Variants in SDC2 observed in about 807,000 individuals in gnomAD.
The protein encoded by SDC2 is syndecan-2.
A neutral mutation model predicts 22.2 loss-of-function variants in SDC2; 13 were observed. The observed-to-expected ratio is 0.59, with a 90% CI of 0.38 to 0.93. SDC2 has a LOEUF of 0.93. Ranked by LOEUF, SDC2 falls within the 40% of genes least tolerant of loss-of-function variation. The pLI, the probability that SDC2 is intolerant of heterozygous loss-of-function variation, is 0.00. For missense variants in SDC2, 235 were observed against 246.8 expected (o/e 0.95, Z 0.32); for synonymous variants, 94 against 92.8 (o/e 1.01, Z -0.07).
intron 1 of SDC2, among the ~76,000 whole-genome samples, chr8:96,512,535 G>T (rs1461641991): frequency 6.6e-6 from 1 of 152,252 alleles, no homozygotes; most frequent in East Asian, 1.9e-4. Context: ...AGCAGGCTTA[G>T]AACAGAGAGA....
chr8:96,520,604 C>T (rs560754123), intron 1 of SDC2, among the ~76,000 whole-genome samples: 10 of 152,172 alleles, frequency 6.6e-5, no homozygotes, highest in Non-Finnish European at 1.3e-4. Flanking sequence ...AAAAGCAAAA[C>T]AGAGAAACCC....
At chr8:96,585,555 G>GT (rs373431033) in intron 1 of SDC2, among the ~76,000 whole-genome samples, 28 of 152,048 alleles carry the variant, frequency 1.8e-4, no homozygotes, top group African/African-American at 6.5e-4. Flanking sequence ...GGTGCATCCT[G>GT]TTTTATGTGT....
intron 1 of SDC2, among the ~76,000 whole-genome samples, chr8:96,519,243 T>A (rs559119067): frequency 1.3e-5 from 2 of 152,336 alleles, no homozygotes; most frequent in South Asian, 4.1e-4. Context: ...GAGAGCAGTT[T>A]GGAAATCATA....
At chr8:96,554,482 TA>T (rs528292831) in intron 1 of SDC2, among the ~76,000 whole-genome samples, 22 of 148,770 alleles carry the variant, frequency 1.5e-4, no homozygotes, top group South Asian at 2.1e-4. Context: ...AGCATTTAGT[TA>T]AAAAAAAAAG....
At chr8:96,572,495 C>G (rs1175736374) in intron 1 of SDC2, among the ~76,000 whole-genome samples, 1 of 152,066 alleles carries the variant, frequency 6.6e-6, no homozygotes, top group South Asian at 2.1e-4. Context: ...ATTCGGTTCT[C>G]CAGGCTGGCC....
intron 2 of SDC2, among the ~76,000 whole-genome samples, chr8:96,602,115 G>C (rs1814998865): frequency 6.6e-6 from 1 of 152,088 alleles, no homozygotes; most frequent in Non-Finnish European, 1.5e-5. Context: ...AAAAAATCTT[G>C]TCAAGCAGGG....
At chr8:96,582,176 A>G (rs1741245265) in intron 1 of SDC2, among the ~76,000 whole-genome samples, 1 of 152,220 alleles carries the variant, frequency 6.6e-6, no homozygotes, top group African/African-American at 2.4e-5. Flanking sequence ...CATTTCTTTA[A>G]AAGTTGCTTG....
At chr8:96,576,318 T>C (rs1051881385) in intron 1 of SDC2, among the ~76,000 whole-genome samples, 1 of 148,576 alleles carries the variant, frequency 6.7e-6, no homozygotes, top group Non-Finnish European at 1.5e-5. Flanking sequence ...CACAGAGAAC[T>C]TGAAAGCATA....
intron 1 of SDC2, among the ~76,000 whole-genome samples, chr8:96,508,359 C>T (rs993747149): frequency 6.8e-6 from 1 of 147,286 alleles, no homozygotes; most frequent in African/African-American, 2.5e-5. Flanking sequence ...CGGGTGTGGT[C>T]GCGGGCACCT....
At chr8:96,572,067 C>T (rs1814405728) in intron 1 of SDC2, among the ~76,000 whole-genome samples, 1 of 152,138 alleles carries the variant, frequency 6.6e-6, no homozygotes, top group African/African-American at 2.4e-5. Flanking sequence ...CTCAAGCAGT[C>T]TCGTGGAGGC....
At chr8:96,569,164 C>G (rs906394459) in intron 1 of SDC2, among the ~76,000 whole-genome samples, 1 of 152,108 alleles carries the variant, frequency 6.6e-6, no homozygotes, top group Non-Finnish European at 1.5e-5. Context: ...CACACCAACA[C>G]GTCCGGATAA....
At chr8:96,523,251 T>G (rs899684649) in intron 1 of SDC2, among the ~76,000 whole-genome samples, 1 of 152,196 alleles carries the variant, frequency 6.6e-6, no homozygotes, top group East Asian at 1.9e-4. Context: ...TTTTAGAGGA[T>G]TTGGTGGTGT....
chr8:96,555,391 A>G (rs975419589), intron 1 of SDC2, among the ~76,000 whole-genome samples: 3 of 152,112 alleles, frequency 2.0e-5, no homozygotes, highest in African/African-American at 7.2e-5. Context: ...TCCAACTCCA[A>G]TCAATTAACC....
intron 1 of SDC2, among the ~76,000 whole-genome samples, chr8:96,500,080 A>G (rs887109140): frequency 3.9e-5 from 6 of 152,172 alleles, no homozygotes; most frequent in Admixed American, 1.3e-4. Context: ...GACCTGGGCT[A>G]GTTGTCCAGT....
At chr8:96,568,554 C>G (rs1285302217) in intron 1 of SDC2, among the ~76,000 whole-genome samples, 1 of 152,174 alleles carries the variant, frequency 6.6e-6, no homozygotes, top group African/African-American at 2.4e-5. Flanking sequence ...GGAAATGGAG[C>G]TCTTGGTTGG....
At chr8:96,540,347 T>TATATATATATATAA (rs1300959416) in intron 1 of SDC2, among the ~76,000 whole-genome samples, 1 of 146,962 alleles carries the variant, frequency 6.8e-6, no homozygotes, top group African/African-American at 2.5e-5. Context: ...TGTGTATATA[T>TATATATATATATAA]ATATATATAA....
At chr8:96,554,249 G>T (rs1814073477) in intron 1 of SDC2, among the ~76,000 whole-genome samples, 1 of 152,042 alleles carries the variant, frequency 6.6e-6, no homozygotes, top group South Asian at 2.1e-4. Flanking sequence ...TAAGATTCTG[G>T]TGTATTGAAA....
chr8:96,567,317 TC>T (rs1814316705), intron 1 of SDC2, among the ~76,000 whole-genome samples: 1 of 152,248 alleles, frequency 6.6e-6, no homozygotes, highest in Non-Finnish European at 1.5e-5. Context: ...GAAAGTGGCA[TC>T]TTATAGAAGT....
chr8:96,549,943 C>G (rs1031551206), intron 1 of SDC2, among the ~76,000 whole-genome samples: 18 of 152,072 alleles, frequency 1.2e-4, no homozygotes, highest in Non-Finnish European at 2.2e-4. Flanking sequence ...AACCTGAAAT[C>G]CAGCTCATCT....
Sources: allele counts gnomAD v4.1 joint callset (sites outside exome capture counted in the v4.1 genomes callset), GRCh38; gene constraint gnomAD v4.1.1; transcripts MANE v1.5; gene names NCBI Gene and HGNC (gene_info 2026-07-23, HGNC 2026-07-21).